The following ARL15 variants were observed in gnomAD, a reference collection of about 807,000 sequenced individuals.
ARL15 encodes the protein ADP-ribosylation factor-like protein 15.
ARL15 carries 19 observed loss-of-function variants against 25.2 expected under a neutral mutation model. That is an observed-to-expected ratio of 0.75 (90% CI 0.53 to 1.10). The LOEUF (loss-of-function observed/expected upper bound fraction) is 1.10. ARL15 is among the 50% of genes least tolerant of loss of function. The pLI is 0.00. For synonymous variants in ARL15, 94 were observed against 86.8 expected, an observed-to-expected ratio of 1.08 and a Z score of -0.46; for missense variants, 220 against 246.0, an observed-to-expected ratio of 0.89 and a Z score of 0.71.
intron 1 of ARL15, among the ~76,000 whole-genome samples, chr5:54,235,814 C>T (rs1756789562): frequency 6.6e-6 from 1 of 152,088 alleles, no homozygotes; most frequent in Admixed American, 6.5e-5. Context: ...AAGGAATATG[C>T]ATTAGTAGCA....
chr5:54,114,549 G>A (rs944605902), intron 3 of ARL15, among the ~76,000 whole-genome samples: 3 of 152,048 alleles, frequency 2.0e-5, no homozygotes, highest in Non-Finnish European at 4.4e-5. Flanking sequence ...GAGGGAATGA[G>A]GGAGTAAAAT....
chr5:54,241,230 AT>A (rs562604977), intron 1 of ARL15, among the ~76,000 whole-genome samples: 179 of 152,336 alleles, frequency 1.2e-3, no homozygotes, highest in Non-Finnish European at 2.1e-3. Flanking sequence ...CCAGAATTAT[AT>A]TTAGATTACC....
chr5:54,227,192 C>T (rs185456308), intron 1 of ARL15, among the ~76,000 whole-genome samples: 6 of 152,318 alleles, frequency 3.9e-5, no homozygotes, highest in Admixed American at 1.3e-4. Context: ...AAGGAAATAA[C>T]GCTGCTTCTG....
chr5:53,985,836 C>A (rs868423596), intron 4 of ARL15, among the ~76,000 whole-genome samples: 1 of 152,022 alleles, frequency 6.6e-6, no homozygotes, highest in African/African-American at 2.4e-5. Context: ...GTAGAGCAAC[C>A]GACAAAATTA....
intron 4 of ARL15, among the ~76,000 whole-genome samples, chr5:54,109,080 T>C (rs1674177870): frequency 6.6e-6 from 1 of 152,014 alleles, no homozygotes; most frequent in Non-Finnish European, 1.5e-5. Flanking sequence ...ATGCATGTCA[T>C]AATAACAAAC....
intron 4 of ARL15, among the ~76,000 whole-genome samples, chr5:53,972,063 G>A (rs1045781144): frequency 1.3e-5 from 2 of 152,112 alleles, no homozygotes; most frequent in Non-Finnish European, 1.5e-5. Context: ...GTTTTTGACT[G>A]TTGAACTGGT....
At chr5:53,968,327 A>C (rs1409908456) in intron 4 of ARL15, among the ~76,000 whole-genome samples, 1 of 152,138 alleles carries the variant, frequency 6.6e-6, no homozygotes, top group Non-Finnish European at 1.5e-5. Flanking sequence ...ATTATCTAAG[A>C]CCTAACATAA....
At chr5:54,285,290 T>A (rs890304206) in intron 1 of ARL15, 2 of 789,904 alleles carry the variant, frequency 2.5e-6, no homozygotes, top group African/African-American at 3.8e-5. Context: ...AGAAAAAGAA[T>A]GCCTAAGACA....
intron 3 of ARL15, among the ~76,000 whole-genome samples, chr5:54,151,724 A>T (rs1486673354): frequency 7.0e-6 from 1 of 143,194 alleles, no homozygotes; most frequent in Non-Finnish European, 1.5e-5. Context: ...ATAGTTTGTC[A>T]TTAAGATCCC....
intron 4 of ARL15, among the ~76,000 whole-genome samples, chr5:54,111,867 CTGAGAA>C (rs1450347715): frequency 1.3e-5 from 2 of 151,914 alleles, no homozygotes; most frequent in African/African-American, 4.8e-5. Flanking sequence ...AAAACTGATG[CTGAGAA>C]GTTAAAAGAT....
intron 1 of ARL15, among the ~76,000 whole-genome samples, chr5:54,277,172 T>A (rs188790880): frequency 6.6e-6 from 1 of 152,194 alleles, no homozygotes; most frequent in African/African-American, 2.4e-5. Flanking sequence ...TTATTAATAA[T>A]ATTGTTACTA....
chr5:53,972,856 G>A (rs1213628580), intron 4 of ARL15, among the ~76,000 whole-genome samples: 1 of 152,172 alleles, frequency 6.6e-6, no homozygotes, highest in East Asian at 1.9e-4. Context: ...CTATCTGATG[G>A]TCTGTCTCTT....
chr5:54,184,392 A>C (rs1270210587), intron 1 of ARL15, among the ~76,000 whole-genome samples: 2 of 142,976 alleles, frequency 1.4e-5, no homozygotes, highest in Non-Finnish European at 3.0e-5. Flanking sequence ...GCAGTGAGCT[A>C]TGACTGTGCC....
chr5:54,071,515 C>G (rs1349929268), intron 4 of ARL15, among the ~76,000 whole-genome samples: 5 of 95,802 alleles, frequency 5.2e-5, no homozygotes, highest in South Asian at 4.3e-4. Flanking sequence ...GCCTTTCCCC[C>G]CCCCCCCCCC....
At chr5:54,128,440 T>A (rs1481200721) in intron 3 of ARL15, among the ~76,000 whole-genome samples, 3 of 152,216 alleles carry the variant, frequency 2.0e-5, no homozygotes, top group Non-Finnish European at 4.4e-5. Flanking sequence ...TCAATTCATG[T>A]GTGCTGAATT....
intron 1 of ARL15, among the ~76,000 whole-genome samples, chr5:54,241,840 C>A (rs183368223): frequency 1.3e-5 from 2 of 152,268 alleles, no homozygotes; most frequent in Admixed American, 1.3e-4. Context: ...GCCATAACTT[C>A]TGGGGGCTCT....
intron 4 of ARL15, among the ~76,000 whole-genome samples, chr5:53,992,926 A>G (rs993436273): frequency 6.6e-6 from 1 of 152,126 alleles, no homozygotes; most frequent in Non-Finnish European, 1.5e-5. Context: ...CATGCCTGTA[A>G]TCCCAGCTAC....
At position 54,198,581 on chromosome 5, in the gene ARL15, C is replaced by A. The variant is rs1193466927; in HGVS notation, c.49-26653G>T. On this transcript the variant is annotated intron_variant, in intron 1 of 4. Coordinates refer to ENST00000504924, the MANE Select transcript of ARL15 (RefSeq NM_019087.3). The stretch of plus-strand genomic sequence containing the variant: ...AGAGAATAAAATACCTAGGAATCCA[C>A]CTTACAAGGGACGTGAAGGACCTCT... Among the ~76,000 whole-genome samples the A allele has an allele frequency of 1.0e-4, 15 of 148,164 alleles. No homozygotes were observed. The East Asian group carries it at 1.9e-3, about 19-fold the overall frequency.
At chr5:54,106,081 G>A (rs963009422) in intron 4 of ARL15, among the ~76,000 whole-genome samples, 1 of 152,124 alleles carries the variant, frequency 6.6e-6, no homozygotes, top group Non-Finnish European at 1.5e-5. Flanking sequence ...AAAGAGAATA[G>A]TACCCTGATA....
Sources: allele counts gnomAD v4.1 joint callset (sites outside exome capture counted in the v4.1 genomes callset), GRCh38; gene constraint gnomAD v4.1.1; transcripts MANE v1.5; gene names NCBI Gene and HGNC (gene_info 2026-07-23, HGNC 2026-07-21).